Variants in SYT1 observed in about 807,000 individuals in gnomAD.
The protein encoded by SYT1 is synaptotagmin-1.
A neutral mutation model predicts 44.8 loss-of-function variants in SYT1; 8 were observed. That is an observed-to-expected ratio of 0.18 (90% CI 0.10 to 0.32). The LOEUF (loss-of-function observed/expected upper bound fraction) is 0.32, where lower values mean the gene tolerates loss of function less well. Ranked by LOEUF, SYT1 falls within the 10% of genes least tolerant of loss-of-function variation. SYT1 has a pLI of 1.00. For synonymous variants in SYT1, 154 were observed against 188.8 expected, an observed-to-expected ratio of 0.82 and a Z score of 1.51; for missense variants, 286 against 509.3, an observed-to-expected ratio of 0.56 and a Z score of 4.22.
chr12:79,332,655 T>G (rs901223390), intron 8 of SYT1, among the ~76,000 whole-genome samples: 1 of 152,236 alleles, frequency 6.6e-6, no homozygotes, highest in Non-Finnish European at 1.5e-5. Context: ...ATGAGTTTAA[T>G]GTAGATATTG....
At chr12:79,269,662 C>T (rs368968294) in intron 4 of SYT1, among the ~76,000 whole-genome samples, 55 of 152,054 alleles carry the variant, frequency 3.6e-4, no homozygotes, top group East Asian at 1.7e-3. Context: ...AATCTGCACT[C>T]GGGTACCACA....
At chr12:78,871,866 C>A (rs977234755) in intron 1 of SYT1, among the ~76,000 whole-genome samples, 2 of 151,718 alleles carry the variant, frequency 1.3e-5, no homozygotes, top group African/African-American at 4.8e-5. Flanking sequence ...AGCACCGAGA[C>A]CTCTTCTATA....
At chr12:78,975,576 CTG>C (rs1183378832) in intron 1 of SYT1, among the ~76,000 whole-genome samples, 1 of 152,126 alleles carries the variant, frequency 6.6e-6, no homozygotes, top group Admixed American at 6.5e-5. Flanking sequence ...CTAGTTGAAT[CTG>C]TGTTATTTAA....
At chr12:79,144,681 C>T (rs1029779979) in intron 3 of SYT1, among the ~76,000 whole-genome samples, 2 of 152,214 alleles carry the variant, frequency 1.3e-5, no homozygotes, top group African/African-American at 4.8e-5. Flanking sequence ...CTCTTCACAC[C>T]CTGGCTCATT....
At chr12:79,251,801 T>C (rs1161938892) in intron 4 of SYT1, among the ~76,000 whole-genome samples, 1 of 152,188 alleles carries the variant, frequency 6.6e-6, no homozygotes, top group South Asian at 2.1e-4. Context: ...CTTTTCTGTT[T>C]TATGGAGGAA....
intron 2 of SYT1, among the ~76,000 whole-genome samples, chr12:79,013,707 A>G (rs1159185343): frequency 6.6e-6 from 1 of 152,234 alleles, no homozygotes; most frequent in Non-Finnish European, 1.5e-5. Context: ...CATTTACTAT[A>G]TAAAGCCACT....
At chr12:78,985,448 C>G (rs1267234891) in intron 2 of SYT1, among the ~76,000 whole-genome samples, 1 of 151,566 alleles carries the variant, frequency 6.6e-6, no homozygotes, top group Non-Finnish European at 1.5e-5. Context: ...AATAATCAGA[C>G]TAATCATTTG....
intron 2 of SYT1, among the ~76,000 whole-genome samples, chr12:78,981,479 G>A (rs1869258642): frequency 6.6e-6 from 1 of 152,118 alleles, no homozygotes; most frequent in Non-Finnish European, 1.5e-5. Context: ...CATTTAGAAA[G>A]CAGCTGTGTA....
intron 9 of SYT1, among the ~76,000 whole-genome samples, chr12:79,364,580 A>C (rs900886551): frequency 1.3e-5 from 2 of 152,144 alleles, no homozygotes; most frequent in African/African-American, 2.4e-5. Flanking sequence ...GGCTTCCTAT[A>C]ATTTTTTCTT....
intron 3 of SYT1, among the ~76,000 whole-genome samples, chr12:79,132,753 A>G (rs1298338753): frequency 6.6e-6 from 1 of 151,362 alleles, no homozygotes; most frequent in Non-Finnish European, 1.5e-5. Flanking sequence ...CTGGGTAGCT[A>G]TCGAAATGAA....
At chr12:79,362,230 A>T (rs1429331218) in intron 9 of SYT1, among the ~76,000 whole-genome samples, 2 of 152,210 alleles carry the variant, frequency 1.3e-5, no homozygotes, top group Admixed American at 6.5e-5. Flanking sequence ...TGGTAAATTT[A>T]AAAAATCTAG....
At chr12:79,230,060 A>G (rs1480863774) in intron 4 of SYT1, among the ~76,000 whole-genome samples, 1 of 152,222 alleles carries the variant, frequency 6.6e-6, no homozygotes, top group East Asian at 1.9e-4. Flanking sequence ...CACAGAATGA[A>G]GAATTGTTCT....
chr12:79,298,191 C>A (rs4612885), intron 7 of SYT1, among the ~76,000 whole-genome samples: 55,292 of 151,790 alleles, frequency 0.36, 10,341 homozygotes, highest in East Asian at 0.59. Context: ...TATACAATAA[C>A]ATTTTCAAGG....
chr12:79,130,415 T>G (rs1255339948), intron 3 of SYT1, among the ~76,000 whole-genome samples: 1 of 152,210 alleles, frequency 6.6e-6, no homozygotes, highest in African/African-American at 2.4e-5. Flanking sequence ...TCTCTGAGTC[T>G]CACCATCGTA....
chr12:79,179,592 T>TATATCTA (rs1376997618), intron 3 of SYT1, among the ~76,000 whole-genome samples: 1 of 149,308 alleles, frequency 6.7e-6, no homozygotes, highest in African/African-American at 2.5e-5. Flanking sequence ...TAGATATAGA[T>TATATCTA]TTTTTTTAAT....
At chr12:79,195,848 T>C (rs1252206927) in intron 3 of SYT1, among the ~76,000 whole-genome samples, 1 of 152,176 alleles carries the variant, frequency 6.6e-6, no homozygotes, top group Non-Finnish European at 1.5e-5. Flanking sequence ...TGTAAAATTA[T>C]AGAAGACAAA....
intron 3 of SYT1, among the ~76,000 whole-genome samples, chr12:79,169,023 GT>G (rs1871364285): frequency 6.6e-6 from 1 of 151,982 alleles, no homozygotes; most frequent in African/African-American, 2.4e-5. Flanking sequence ...AATTAAATGG[GT>G]TTTCAACAAT....
intron 3 of SYT1, among the ~76,000 whole-genome samples, chr12:79,196,172 G>GTTGT (rs1555206193): frequency 4.9e-4 from 44 of 88,960 alleles, no homozygotes; most frequent in African/African-American, 1.4e-3. Context: ...TGTTGTTGTT[G>GTTGT]TTGTTGTTGT....
At chr12:78,897,632 A>G (rs1875434535) in intron 1 of SYT1, among the ~76,000 whole-genome samples, 1 of 152,062 alleles carries the variant, frequency 6.6e-6, no homozygotes, top group South Asian at 2.1e-4. Flanking sequence ...AATGCTAACA[A>G]GGATCTATAT....
Sources: gnomAD v4.1 joint callset for allele counts (sites outside exome capture counted in the v4.1 genomes callset) on GRCh38, gnomAD v4.1.1 for gene constraint, MANE v1.5 for transcripts, NCBI Gene and HGNC (gene_info 2026-07-23, HGNC 2026-07-21) for gene names.